Variants in AGAP1 observed in about 807,000 individuals in gnomAD.
The protein encoded by AGAP1 is ArfGAP with GTPase domain, ankyrin repeat and PH domain 1.
AGAP1 carries 29 observed loss-of-function variants against 105.3 expected under a neutral mutation model. That is an observed-to-expected ratio of 0.28 (90% confidence interval 0.21 to 0.38). The LOEUF (loss-of-function observed/expected upper bound fraction) is 0.38, where lower values mean the gene tolerates loss of function less well. Ranked by LOEUF, AGAP1 falls within the 10% of genes least tolerant of loss-of-function variation. The pLI, the probability that AGAP1 is intolerant of heterozygous loss-of-function variation, is 1.00. For missense variants in AGAP1, 998 were observed against 1,165.1 expected, an observed-to-expected ratio of 0.86 and a Z score of 2.09; for synonymous variants, 509 against 485.9, an observed-to-expected ratio of 1.05 and a Z score of -0.63.
intron 1 of AGAP1, among the ~76,000 whole-genome samples, chr2:235,661,877 A>G (rs1013867291): frequency 6.6e-6 from 1 of 152,172 alleles, no homozygotes; most frequent in African/African-American, 2.4e-5. Flanking sequence ...AGGCGCCAGG[A>G]GGCAGCTCTG....
intron 1 of AGAP1, among the ~76,000 whole-genome samples, chr2:235,686,230 C>T (rs560210950): frequency 7.2e-5 from 11 of 152,162 alleles, no homozygotes; most frequent in Admixed American, 6.5e-5. Flanking sequence ...TCCTGCTGTA[C>T]GGGGCACCCG....
At chr2:236,034,301 AT>A (rs11303036) in intron 13 of AGAP1, among the ~76,000 whole-genome samples, 43,798 of 146,180 alleles carry the variant, frequency 0.3, 8,684 homozygotes, top group African/African-American at 0.58. Flanking sequence ...AGTTACAATG[AT>A]TTTTTTTTTT....
rs1272826322 is a variant in AGAP1, at chr2:235,854,901, A to T, written c.1051-28444A>T. Among the ~76,000 whole-genome samples the T allele has an allele frequency of 1.3e-5, 2 of 151,744 alleles. 1 individual carries two copies. The highest frequency in any genetic ancestry group is 4.2e-4 in the South Asian group (2 of 4,786). ...CTGTACAGTGTCCTCAGAAGTGTAG[A>T]TCGTTTCTGCTGCAGGAGCCCAGGA... On this transcript the variant is annotated intron_variant, in intron 9 of 17. Coordinates refer to ENST00000304032, the MANE Select transcript of AGAP1 (RefSeq NM_001037131.3).
At chr2:235,679,632 A>G (rs114703764) in intron 1 of AGAP1, among the ~76,000 whole-genome samples, 2,542 of 152,258 alleles carry the variant, frequency 0.017, 62 homozygotes, top group African/African-American at 0.057. Flanking sequence ...CATTCCTGGT[A>G]CAAGCCAAAT....
intron 16 of AGAP1, among the ~76,000 whole-genome samples, chr2:236,084,218 A>T (rs2058862234): frequency 6.7e-6 from 1 of 148,308 alleles, no homozygotes; most frequent in Non-Finnish European, 1.5e-5. Context: ...TGCCTTCCTG[A>T]AGGGCGGGGG....
At chr2:235,920,552 C>T (rs1235099585) in intron 11 of AGAP1, among the ~76,000 whole-genome samples, 1 of 152,104 alleles carries the variant, frequency 6.6e-6, no homozygotes, top group Admixed American at 6.5e-5. Flanking sequence ...TGGGGGGTGC[C>T]GTGGAGTTCT....
In AGAP1 at chr2:235,930,684, T is replaced by G; in HGVS notation, c.1325-81T>G. Reference sequence around the variant, plus strand: ...TGGTAAGGTGCACTATGTGCCAGCGTGTGGGTCCCATAGACTAACTCGCGC... The same window carrying G: ...TGGTAAGGTGCACTATGTGCCAGCGGGTGGGTCCCATAGACTAACTCGCGC... On this transcript the variant is annotated intron_variant, in intron 11 of 17. Transcript: ENST00000304032. The surrounding 1 kb of genome is among the most constrained non-coding windows in gnomAD (Gnocchi z 7.9). 7.1e-7 allele frequency: 1 copy of G among 1,414,102 alleles called. No individual in the cohort carries two copies. Among genetic ancestry groups the G allele is most frequent in the Non-Finnish European group, 9.7e-7 (1 of 1,035,434 alleles). 87.6% of individuals were successfully genotyped at this position (1,414,102 alleles called of 1,614,324 possible).
At chr2:235,668,026 T>C (rs943539236) in intron 1 of AGAP1, among the ~76,000 whole-genome samples, 2 of 151,084 alleles carry the variant, frequency 1.3e-5, no homozygotes, top group African/African-American at 4.9e-5. Context: ...GATTCTGTCT[T>C]GGAGACCCCT....
intron 9 of AGAP1, among the ~76,000 whole-genome samples, chr2:235,868,448 G>T (rs773358998): frequency 6.6e-6 from 1 of 152,122 alleles, no homozygotes; most frequent in Non-Finnish European, 1.5e-5. Flanking sequence ...GGTTGTGGAC[G>T]TGCCTGTTGA....
chr2:235,538,698 G>A (rs553711910), intron 1 of AGAP1, among the ~76,000 whole-genome samples: 9 of 151,954 alleles, frequency 5.9e-5, no homozygotes, highest in Middle Eastern at 3.2e-3. Flanking sequence ...AGAGCCTCCC[G>A]TTCCCATCTC....
intron 13 of AGAP1, among the ~76,000 whole-genome samples, chr2:235,990,383 C>T (rs991827295): frequency 6.6e-6 from 1 of 152,208 alleles, no homozygotes; most frequent in African/African-American, 2.4e-5. Context: ...GCTAGGAAGG[C>T]CTGTGTCTGC....
At chr2:235,854,635 C>T (rs938203229) in intron 9 of AGAP1, among the ~76,000 whole-genome samples, 1 of 152,200 alleles carries the variant, frequency 6.6e-6, no homozygotes, top group African/African-American at 2.4e-5. Context: ...CTGCCGCGTC[C>T]GCTTACCAGT....
intron 1 of AGAP1, among the ~76,000 whole-genome samples, chr2:235,668,715 C>T (rs186037657): frequency 1.3e-5 from 2 of 152,128 alleles, no homozygotes; most frequent in South Asian, 4.1e-4. Context: ...GGTAGGAAAT[C>T]GAGGATTTGA....
At chr2:235,997,724 CT>C (rs908094134) in intron 13 of AGAP1, among the ~76,000 whole-genome samples, 8 of 150,734 alleles carry the variant, frequency 5.3e-5, no homozygotes, top group African/African-American at 7.3e-5. Flanking sequence ...CCAATAAAAA[CT>C]TTTTTTTTTC....
At chr2:235,594,260 T>C (rs1369010903) in intron 1 of AGAP1, among the ~76,000 whole-genome samples, 2 of 151,602 alleles carry the variant, frequency 1.3e-5, no homozygotes, top group Non-Finnish European at 2.9e-5. Flanking sequence ...AGGAAGATTA[T>C]AATATCTGTA....
rs2058968649 is a variant in AGAP1, at chr2:236,087,712, A to G, written c.2115-32480A>G. On this transcript the variant is annotated intron_variant, in intron 16 of 17. Transcript: ENST00000304032. The surrounding 1 kb of genome is among the most constrained non-coding windows in gnomAD (Gnocchi z 5.7). Reference sequence around the variant, plus strand: ...AGCCATGTAAGTGGCCTTATTGGTTAAGTGACAACCGGGGACATACCCATT... The same window carrying G: ...AGCCATGTAAGTGGCCTTATTGGTTGAGTGACAACCGGGGACATACCCATT... 6.6e-6 allele frequency among the ~76,000 whole-genome samples: 1 copy of G among 152,220 alleles called. No homozygotes were observed. The highest frequency in any genetic ancestry group is 1.5e-5 in the Non-Finnish European group (1 of 68,038).
Position 236,078,987 on chromosome 2 carries a change from C to T in AGAP1, c.2114+29706C>T, listed in dbSNP as rs2058712815. The stretch of plus-strand genomic sequence containing the variant: ...CAGTCCCGTCCCTTTAGCCTCATCC[C>T]TCATGGGGGAAGATACCTGATGCCG... On this transcript the variant is annotated intron_variant, in intron 16 of 17. Coordinates refer to ENST00000304032, the MANE Select transcript of AGAP1 (RefSeq NM_001037131.3). This position sits in a 1 kb window ranked among gnomAD's most constrained non-coding sequence, Gnocchi z 5.3. Among the ~76,000 whole-genome samples, 1 of 152,160 alleles carries T rather than the reference C, an allele frequency of 6.6e-6. No individual in the cohort carries two copies. Among genetic ancestry groups the T allele is most frequent in the Non-Finnish European group, 1.5e-5 (1 of 68,030 alleles).
Position 235,521,734 on chromosome 2 carries a change from T to TTTTG in AGAP1, c.163+26886_163+26887insTTGT, listed in dbSNP as rs562790524. Among the ~76,000 whole-genome samples the TTTTG allele has an allele frequency of 8.3e-3, 213 of 25,618 alleles. 2 individuals carry two copies. The highest frequency in any genetic ancestry group is 0.033 in the African/African-American group (194 of 5,956). The allele number at this position is 25,618 out of a possible 152,430, so 16.8% of individuals were successfully genotyped here. The stretch of plus-strand genomic sequence containing the variant: ...CGATCCAGTTTCTTGTTTTTGTTTG[T>TTTTG]TATATATATGTGTGTGTGTGTGTGT... On this transcript the variant is annotated intron_variant, in intron 1 of 17. Coordinates refer to ENST00000304032, the MANE Select transcript of AGAP1 (RefSeq NM_001037131.3).
chr2:236,076,539 A>C lies in AGAP1; in HGVS notation c.2114+27258A>C, dbSNP rs1233655921. Among the ~76,000 whole-genome samples, 3 of 152,212 alleles carry C rather than the reference A, an allele frequency of 2.0e-5. No homozygotes were observed. The highest frequency in any genetic ancestry group is 2.0e-4 in the Admixed American group (3 of 15,282). Reference sequence around the variant, plus strand: ...TGACCTTCTCAGTGTGTGACCCAGGACACCGTGGAATCTGGGAAAGCCATG... The same window carrying C: ...TGACCTTCTCAGTGTGTGACCCAGGCCACCGTGGAATCTGGGAAAGCCATG... On this transcript the variant is annotated intron_variant, in intron 16 of 17. Coordinates refer to ENST00000304032, the MANE Select transcript of AGAP1 (RefSeq NM_001037131.3). This position sits in a 1 kb window ranked among gnomAD's most constrained non-coding sequence, Gnocchi z 4.4.
Sources: allele counts gnomAD v4.1 joint callset (sites outside exome capture counted in the v4.1 genomes callset), GRCh38; gene constraint gnomAD v4.1.1; non-coding constraint Gnocchi (gnomAD v3.1); transcripts MANE v1.5; gene names NCBI Gene and HGNC (gene_info 2026-07-23, HGNC 2026-07-21).